Variants in RSPH14 observed in about 807,000 individuals in gnomAD.
RSPH14 encodes the protein radial spoke head 14 homolog.
Under a neutral mutation model 26.7 loss-of-function variants are expected in RSPH14, and 20 were observed. That is an observed-to-expected ratio of 0.75 (90% CI 0.53 to 1.09). The LOEUF (loss-of-function observed/expected upper bound fraction) is 1.09, where lower values mean the gene tolerates loss of function less well. RSPH14 is among the 50% of genes least tolerant of loss of function. The pLI, the probability that RSPH14 is intolerant of heterozygous loss-of-function variation, is 0.00. For synonymous variants in RSPH14, 177 were observed against 189.3 expected, an observed-to-expected ratio of 0.93 and a Z score of 0.53; for missense variants, 449 against 457.2, an observed-to-expected ratio of 0.98 and a Z score of 0.16.
chr22:23,174,820 T>G, the RSPH14 span, among the ~76,000 whole-genome samples: 2 of 151,406 alleles, frequency 1.3e-5, no homozygotes, highest in African/African-American at 4.8e-5. Context: ...AATACAAAAT[T>G]AGCCAGGAAT....
intron 4 of RSPH14, among the ~76,000 whole-genome samples, chr22:23,079,055 G>A (rs2068596122): frequency 6.6e-6 from 1 of 152,216 alleles, no homozygotes. Flanking sequence ...TTGATTTATT[G>A]GCACCTGCTT....
In RSPH14 at chr22:23,059,589, T is replaced by G; in HGVS notation, c.920A>C (p.Lys307Thr). 6.2e-7 allele frequency: 1 copy of G among 1,614,018 alleles called. No homozygotes were observed. The highest frequency in any genetic ancestry group is 8.5e-7 in the Non-Finnish European group (1 of 1,179,928). ...TMLAEAPEGRKALQTHVPTFR... is the reference protein window; with the variant it reads ...TMLAEAPEGRTALQTHVPTFR... ...AGTGGGCACGTGCGTCTGCAGGGCCTTGCGGCCCTCGGGGGCCTCTGCCAG... is the reference window on the plus strand; with the variant it reads ...AGTGGGCACGTGCGTCTGCAGGGCCGTGCGGCCCTCGGGGGCCTCTGCCAG... Residue 307 changes from lysine to threonine, a missense_variant, in exon 7 of 7, where the codon AAG (lysine) becomes ACG (threonine). Physicochemically the swap from Lys to Thr is moderately conservative, Grantham distance 78. Coordinates refer to ENST00000216036, the MANE Select transcript of RSPH14 (RefSeq NM_014433.3).
intron 4 of RSPH14, among the ~76,000 whole-genome samples, chr22:23,101,492 G>A (rs985420671): frequency 6.6e-6 from 1 of 152,142 alleles, no homozygotes; most frequent in East Asian, 1.9e-4. Context: ...CACTCCCCTC[G>A]TCCCCTTGTC....
chr22:23,134,021 C>G lies in RSPH14; in HGVS notation c.421+5G>C. On this transcript the variant is annotated splice_donor_5th_base_variant and intron_variant, in intron 4 of 6. Coordinates refer to ENST00000216036, the MANE Select transcript of RSPH14 (RefSeq NM_014433.3). ...GACAGATCTGTGTGCAGGACGCAAG[C>G]CTACCTCTAGGCACCTGGACCAGCT... The G allele has an allele frequency of 5.0e-6, 8 of 1,610,922 alleles. No homozygotes were observed. Among genetic ancestry groups the G allele is most frequent in the Non-Finnish European group, 5.9e-6 (7 of 1,177,332 alleles).
At chr22:23,126,647 T>A (rs1023452313) in intron 4 of RSPH14, among the ~76,000 whole-genome samples, 1 of 151,788 alleles carries the variant, frequency 6.6e-6, no homozygotes, top group Non-Finnish European at 1.5e-5. Context: ...GGTCCAGGAG[T>A]CTTAGCCAAC....
intron 4 of RSPH14, 25 bp downstream of exon 4, chr22:23,134,001 A>T: frequency 6.4e-7 from 1 of 1,566,970 alleles, no homozygotes; most frequent in Non-Finnish European, 8.8e-7. Context: ...TGCCCGACAG[A>T]TCTGTGTGCA....
At chr22:23,160,354 G>A in the RSPH14 span, among the ~76,000 whole-genome samples, 1 of 152,348 alleles carries the variant, frequency 6.6e-6, no homozygotes, top group South Asian at 2.1e-4. Context: ...GTTGCTGGCT[G>A]CACAAGGGCA....
chr22:23,090,624 C>T (rs1037032982), intron 4 of RSPH14, among the ~76,000 whole-genome samples: 7 of 152,174 alleles, frequency 4.6e-5, no homozygotes, highest in Admixed American at 2.0e-4. Context: ...ACTTCAGGGC[C>T]TTTGTGCCGG....
At chr22:23,074,521 T>G (rs1456750093) in intron 4 of RSPH14, among the ~76,000 whole-genome samples, 3 of 152,096 alleles carry the variant, frequency 2.0e-5, no homozygotes, top group Non-Finnish European at 2.9e-5. Context: ...TGGGCACATG[T>G]GGCCAGAGGG....
chr22:23,129,218 G>A (rs1020602003), intron 4 of RSPH14, among the ~76,000 whole-genome samples: 6 of 152,104 alleles, frequency 3.9e-5, no homozygotes, highest in Non-Finnish European at 7.4e-5. Flanking sequence ...AGATCTCCTG[G>A]GCGTCTGCCA....
intron 4 of RSPH14, among the ~76,000 whole-genome samples, chr22:23,107,140 G>C (rs2069506679): frequency 6.6e-6 from 1 of 152,224 alleles, no homozygotes; most frequent in African/African-American, 2.4e-5. Flanking sequence ...GAGGTGCCAG[G>C]CTTAGCTGGT....
chr22:23,080,076 G>A (rs2068634201), intron 4 of RSPH14, among the ~76,000 whole-genome samples: 1 of 152,194 alleles, frequency 6.6e-6, no homozygotes, highest in Admixed American at 6.5e-5. Context: ...CTCTCTCCAA[G>A]GCAGCAACCT....
At chr22:23,114,248 G>A (rs1429161460) in intron 4 of RSPH14, among the ~76,000 whole-genome samples, 1 of 152,314 alleles carries the variant, frequency 6.6e-6, no homozygotes, top group East Asian at 1.9e-4. Context: ...TGCTCTCGGC[G>A]TGAAAAAGCT....
rs144670482 is a variant in RSPH14, at chr22:23,093,293, C to T, written c.422-29160G>A. On this transcript the variant is annotated intron_variant, in intron 4 of 6. Transcript: ENST00000216036. ...GGGCGTTCCCTGGTGCACTTCTCAT[C>T]GGTGGCTGCCTGGTGAAGCGGGAAA... is the stretch of plus-strand genomic sequence containing the variant. Among the ~76,000 whole-genome samples, 1,194 of 152,310 alleles carry T rather than the reference C, an allele frequency of 7.8e-3. 4 individuals carry two copies. Among genetic ancestry groups the T allele is most frequent in the Middle Eastern group, 0.02 (6 of 294 alleles).
chr22:23,077,642 G>A (rs1260419678), intron 4 of RSPH14, among the ~76,000 whole-genome samples: 1 of 152,174 alleles, frequency 6.6e-6, no homozygotes, highest in Non-Finnish European at 1.5e-5. Context: ...GAGGGCTGAG[G>A]CATGTAAAGT....
chr22:23,064,127 T>TGG lies in RSPH14; in HGVS notation c.426_427dup (p.Gln143ProfsTer9). The TGG allele has an allele frequency of 6.2e-7, 1 of 1,614,112 alleles. No homozygotes were observed. Among genetic ancestry groups the TGG allele is most frequent in the Non-Finnish European group, 8.5e-7 (1 of 1,180,000 alleles). On this transcript the variant is annotated frameshift_variant, in exon 5 of 7. Transcript: ENST00000216036. LOFTEE classifies it high-confidence loss of function. Reference sequence around the variant, plus strand: ...AATCAGACCTTTGCTGATGATCTCTTGGGCCCCTACAAGGCAGGAAAGGGC... The same window carrying TGG: ...AATCAGACCTTTGCTGATGATCTCTTGGGGGCCCCTACAAGGCAGGAAAGGGC...
intron 4 of RSPH14, among the ~76,000 whole-genome samples, chr22:23,122,095 G>A (rs1459888378): frequency 6.6e-6 from 1 of 152,162 alleles, no homozygotes; most frequent in African/African-American, 2.4e-5. Flanking sequence ...TTGATATTTT[G>A]CTCATTGAGT....
At chr22:23,082,625 C>T (rs2068715236) in intron 4 of RSPH14, among the ~76,000 whole-genome samples, 1 of 152,024 alleles carries the variant, frequency 6.6e-6, no homozygotes, top group Admixed American at 6.6e-5. Flanking sequence ...GCCACAGGGG[C>T]CAAGTATGAG....
the RSPH14 span, among the ~76,000 whole-genome samples, chr22:23,151,740 G>A: frequency 6.6e-6 from 1 of 152,172 alleles, no homozygotes; most frequent in Non-Finnish European, 1.5e-5. Flanking sequence ...TAAACAGTCC[G>A]AGAAACGCCT....
Sources: allele counts gnomAD v4.1 joint callset (sites outside exome capture counted in the v4.1 genomes callset), GRCh38; gene constraint gnomAD v4.1.1; transcripts MANE v1.5; gene names NCBI Gene and HGNC (gene_info 2026-07-23, HGNC 2026-07-21).